The following ACVR2A variants were observed in gnomAD, a reference collection of about 807,000 sequenced individuals.
ACVR2A encodes the protein activin receptor type-2A.
A neutral mutation model predicts 61.4 loss-of-function variants in ACVR2A; 7 were observed. The observed-to-expected ratio is 0.11, with a 90% CI of 0.06 to 0.21. ACVR2A has a LOEUF of 0.21. Among genes scored for constraint, ACVR2A ranks in the 10% least tolerant of loss-of-function variants. ACVR2A has a pLI of 1.00. For synonymous variants in ACVR2A, 193 were observed against 208.3 expected, an observed-to-expected ratio of 0.93 and a Z score of 0.63; for missense variants, 322 against 621.7, an observed-to-expected ratio of 0.52 and a Z score of 5.13.
intron 4 of ACVR2A, among the ~76,000 whole-genome samples, chr2:147,908,064 GA>G (rs1013093217): frequency 3.8e-5 from 4 of 106,004 alleles, no homozygotes; most frequent in South Asian, 3.1e-4. Flanking sequence ...AGAAAAAAAA[GA>G]AAAAAAAAGC....
chr2:147,917,210 G>A, intron 5 of ACVR2A, 73 bp from the exon 6 acceptor site: 1 of 1,411,566 alleles, frequency 7.1e-7, no homozygotes, highest in Non-Finnish European at 9.5e-7. Flanking sequence ...GAACTTATTT[G>A]AGTAATCTCT....
chr2:147,876,741 A>G (rs1686166779), intron 1 of ACVR2A, among the ~76,000 whole-genome samples: 1 of 152,190 alleles, frequency 6.6e-6, no homozygotes, highest in Non-Finnish European at 1.5e-5. Flanking sequence ...TGAAAGTGAT[A>G]AACAAGGAGA....
At chr2:147,889,576 C>T (rs1305051996) in intron 1 of ACVR2A, among the ~76,000 whole-genome samples, 1 of 151,778 alleles carries the variant, frequency 6.6e-6, no homozygotes. Context: ...AACCCTGTTT[C>T]CACTAAAAAT....
At chr2:147,891,452 C>G (rs545212054) in intron 1 of ACVR2A, among the ~76,000 whole-genome samples, 1 of 151,220 alleles carries the variant, frequency 6.6e-6, no homozygotes, top group African/African-American at 2.4e-5. Context: ...GGTGGCAGAC[C>G]GCACAACCTA....
intron 1 of ACVR2A, among the ~76,000 whole-genome samples, chr2:147,887,351 A>G (rs959498023): frequency 4.6e-5 from 7 of 152,322 alleles, no homozygotes; most frequent in Admixed American, 2.6e-4. Flanking sequence ...GACTACATCT[A>G]TTTGTCAATT....
chr2:147,874,164 A>G (rs549288728), intron 1 of ACVR2A, among the ~76,000 whole-genome samples: 4 of 152,044 alleles, frequency 2.6e-5, no homozygotes, highest in Admixed American at 2.6e-4. Context: ...CTTTGGTCAC[A>G]GTATATAAGT....
At chr2:147,883,221 G>T (rs1686352198) in intron 1 of ACVR2A, among the ~76,000 whole-genome samples, 1 of 152,076 alleles carries the variant, frequency 6.6e-6, no homozygotes, top group African/African-American at 2.4e-5. Context: ...ACGGAGTTTT[G>T]CTCTTGTTGC....
intron 1 of ACVR2A, among the ~76,000 whole-genome samples, chr2:147,872,011 T>A (rs1368538206): frequency 6.6e-6 from 1 of 152,102 alleles, no homozygotes; most frequent in Non-Finnish European, 1.5e-5. Flanking sequence ...TGTTCTCTGA[T>A]GCAAGTTCTT....
At chr2:147,898,251 GAAGT>G (rs1048981224) in intron 2 of ACVR2A, 3 of 151,978 alleles carry the variant, frequency 2.0e-5, no homozygotes, top group Admixed American at 2.0e-4. Context: ...GATAGTAAGA[GAAGT>G]AAGAGGAAAA....
intron 1 of ACVR2A, among the ~76,000 whole-genome samples, chr2:147,853,167 A>T (rs939426169): frequency 1.3e-5 from 2 of 152,138 alleles, no homozygotes. Context: ...AAGTTTACAG[A>T]TAGATATAGT....
intron 1 of ACVR2A, among the ~76,000 whole-genome samples, chr2:147,861,851 A>G (rs1685734179): frequency 6.6e-6 from 1 of 150,548 alleles, no homozygotes; most frequent in South Asian, 2.1e-4. Context: ...CTAAAAGTGT[A>G]TCTTGTTTTG....
intron 1 of ACVR2A, among the ~76,000 whole-genome samples, chr2:147,894,920 T>C (rs1180041134): frequency 6.6e-6 from 1 of 152,146 alleles, no homozygotes; most frequent in African/African-American, 2.4e-5. Context: ...AACAAGGGTC[T>C]TAATTGTGTC....
chr2:147,844,619 GC>G (rs1312746148), upstream of ACVR2A: 1 of 153,068 alleles, frequency 6.5e-6, no homozygotes, highest in Non-Finnish European at 1.4e-5. Flanking sequence ...GCCGCCCGCC[GC>G]CCCTTCCCCG....
At chr2:147,853,538 A>G (rs1280035458) in intron 1 of ACVR2A, among the ~76,000 whole-genome samples, 2 of 152,038 alleles carry the variant, frequency 1.3e-5, no homozygotes, top group Non-Finnish European at 2.9e-5. Context: ...ATTCTTTTGG[A>G]CTAGTTTTTT....
At chr2:147,854,758 G>T (rs540737148) in intron 1 of ACVR2A, among the ~76,000 whole-genome samples, 1 of 152,342 alleles carries the variant, frequency 6.6e-6, no homozygotes, top group East Asian at 1.9e-4. Context: ...TAGTCATAAA[G>T]TAAGTAGTCA....
At chr2:147,898,308 TAAA>T (rs1055207597) in intron 2 of ACVR2A, 43 of 152,216 alleles carry the variant, frequency 2.8e-4, no homozygotes, top group African/African-American at 8.9e-4. Context: ...AAGAAAATGA[TAAA>T]AGAAGAATGA....
rs1003153545 is a variant in ACVR2A, at chr2:147,857,532, TAAAAAAAA to T, written c.55+12337_55+12344del. Among the ~76,000 whole-genome samples the T allele has an allele frequency of 9.9e-3, 1,107 of 111,478 alleles. 16 individuals carry two copies. Among genetic ancestry groups the T allele is most frequent in the African/African-American group, 0.033 (1,048 of 31,314 alleles). 73.1% of individuals were successfully genotyped at this position (111,478 alleles called of 152,430 possible). A position where few individuals can be genotyped will look rare whatever the true frequency, so the allele number is the denominator to read the frequency against. On this transcript the variant is annotated intron_variant, in intron 1 of 10. Coordinates refer to ENST00000241416, the MANE Select transcript of ACVR2A (RefSeq NM_001616.5). ...GTTTGTTGGCAAGAATGGTTTTCTTTAAAAAAAAAAAAAAAAAAACAAAAAAACCCCTA... is the reference window on the plus strand; with the variant it reads ...GTTTGTTGGCAAGAATGGTTTTCTTTAAAAAAAAAAACAAAAAAACCCCTA...
At chr2:147,844,966 CT>C (rs1164844860), upstream of ACVR2A, 5 of 348,414 alleles carry the variant, frequency 1.4e-5, no homozygotes, top group South Asian at 3.9e-5. Flanking sequence ...TCGTTGTGCT[CT>C]TTTTTTTCTT....
At chr2:147,893,498 A>G (rs1187163602) in intron 1 of ACVR2A, among the ~76,000 whole-genome samples, 1 of 152,184 alleles carries the variant, frequency 6.6e-6, no homozygotes, top group Non-Finnish European at 1.5e-5. Context: ...CACCATCAAT[A>G]TGTGAAAGTT....
Sources: allele counts gnomAD v4.1 joint callset (sites outside exome capture counted in the v4.1 genomes callset), GRCh38; gene constraint gnomAD v4.1.1; transcripts MANE v1.5; gene names NCBI Gene and HGNC (gene_info 2026-07-23, HGNC 2026-07-21).